The following PDIA6 variants were observed in gnomAD, a reference collection of about 807,000 sequenced individuals.
The protein encoded by PDIA6 is protein disulfide-isomerase A6.
A neutral mutation model predicts 58.4 loss-of-function variants in PDIA6; 29 were observed. That is an observed-to-expected ratio of 0.50 (90% CI 0.37 to 0.68). The LOEUF is 0.68. Ranked by LOEUF, PDIA6 falls within the 30% of genes least tolerant of loss-of-function variation. PDIA6 has a pLI of 0.00. For missense variants in PDIA6, 480 were observed against 551.0 expected, an observed-to-expected ratio of 0.87 and a Z score of 1.29; for synonymous variants, 192 against 202.6, an observed-to-expected ratio of 0.95 and a Z score of 0.44.
At chr2:10,811,610 TTAAG>T (rs1667000911) in intron 1 of PDIA6, among the ~76,000 whole-genome samples, 1 of 152,136 alleles carries the variant, frequency 6.6e-6, no homozygotes, top group African/African-American at 2.4e-5. Flanking sequence ...CACAGAGTGG[TTAAG>T]TAACTTGCTC....
chr2:10,790,485 G>A lies in PDIA6; in HGVS notation c.699+234C>T, dbSNP rs893706574. Reference sequence around the variant, plus strand: ...ATATGAGCAACTTGAATAAGTCTGGGCAAGCTGAAACCTCACATTAAGTAT... The same window carrying A: ...ATATGAGCAACTTGAATAAGTCTGGACAAGCTGAAACCTCACATTAAGTAT... On this transcript the variant is annotated intron_variant, in intron 7 of 12. Transcript: ENST00000272227. Among the ~76,000 whole-genome samples the A allele has an allele frequency of 2.6e-5, 4 of 152,290 alleles. No individual in the cohort carries two copies. In the South Asian group the frequency reaches 8.3e-4, roughly 32 times the overall value.
chr2:10,829,563 A>T (rs964159965), intron 1 of PDIA6, among the ~76,000 whole-genome samples: 2 of 152,156 alleles, frequency 1.3e-5, no homozygotes, highest in Non-Finnish European at 2.9e-5. Flanking sequence ...GATTAGAAAC[A>T]ATTTTTCTGC....
chr2:10,811,340 A>G (rs1188253913), intron 1 of PDIA6, among the ~76,000 whole-genome samples: 1 of 152,162 alleles, frequency 6.6e-6, no homozygotes, highest in East Asian at 1.9e-4. Flanking sequence ...GACCAACCTG[A>G]GCAATACAAT....
intron 1 of PDIA6, chr2:10,821,348 T>C (rs7590368): frequency 0.25 from 38,496 of 153,570 alleles, 5,103 homozygotes; most frequent in Non-Finnish European, 0.27. Context: ...AGGCAACAGG[T>C]ACCCAGCATT....
upstream of PDIA6, among the ~76,000 whole-genome samples, chr2:10,836,839 G>C (rs1219864943): frequency 6.6e-6 from 1 of 152,176 alleles, no homozygotes; most frequent in Non-Finnish European, 1.5e-5. Flanking sequence ...GAAGGGACCT[G>C]TGTCTCAGGG....
chr2:10,796,123 G>A lies in PDIA6; in HGVS notation c.346+958C>T, dbSNP rs1414256487. 4.8e-5 allele frequency among the ~76,000 whole-genome samples: 7 copies of A among 146,816 alleles called. No individual in the cohort carries two copies. In the East Asian group the frequency reaches 5.9e-4, roughly 12 times the overall value. On this transcript the variant is annotated intron_variant, in intron 4 of 12. Coordinates refer to ENST00000272227, the MANE Select transcript of PDIA6 (RefSeq NM_005742.4). Reference sequence around the variant, plus strand: ...GTCGCCTAGGCTGGAGTACAATCTCGGCTCACTGCAAGCTCCGCCTTCCGG... The same window carrying A: ...GTCGCCTAGGCTGGAGTACAATCTCAGCTCACTGCAAGCTCCGCCTTCCGG...
intron 1 of PDIA6, among the ~76,000 whole-genome samples, chr2:10,806,516 C>A (rs568351345): frequency 6.7e-6 from 1 of 150,174 alleles, no homozygotes; most frequent in South Asian, 2.1e-4. Context: ...TGGCTCACAC[C>A]TATAATCCCA....
intron 1 of PDIA6, among the ~76,000 whole-genome samples, chr2:10,831,426 A>C (rs1667707969): frequency 6.6e-6 from 1 of 152,106 alleles, no homozygotes; most frequent in South Asian, 2.1e-4. Context: ...TTCTCCCTGT[A>C]AGCCTCTTCT....
chr2:10,820,055 T>G (rs542669846), intron 1 of PDIA6, among the ~76,000 whole-genome samples: 1 of 152,130 alleles, frequency 6.6e-6, no homozygotes. Context: ...AGTCCAGAGG[T>G]GTTCTTGGCA....
chr2:10,799,502 T>C (rs761399903), intron 2 of PDIA6, among the ~76,000 whole-genome samples: 15 of 152,218 alleles, frequency 9.9e-5, no homozygotes, highest in Non-Finnish European at 1.8e-4. Flanking sequence ...AAGTTTTTGA[T>C]TCCAAACACT....
intron 10 of PDIA6, among the ~76,000 whole-genome samples, chr2:10,787,911 C>A (rs1665848645): frequency 6.6e-6 from 1 of 152,028 alleles, no homozygotes; most frequent in South Asian, 2.1e-4. Context: ...ACTAAAATCA[C>A]AAAAATTAGC....
intron 1 of PDIA6, among the ~76,000 whole-genome samples, chr2:10,829,101 A>T (rs542709557): frequency 6.6e-6 from 1 of 152,244 alleles, no homozygotes; most frequent in Admixed American, 6.5e-5. Flanking sequence ...TCATTCCCCA[A>T]GAGAGAATCT....
chr2:10,820,901 G>A, intron 1 of PDIA6: 1 of 702,516 alleles, frequency 1.4e-6, no homozygotes, highest in Admixed American at 2.0e-5. Context: ...TGGAAGCTGT[G>A]CTCTGAGAGT....
chr2:10,823,582 C>T (rs181031612), intron 1 of PDIA6, among the ~76,000 whole-genome samples: 16 of 152,336 alleles, frequency 1.1e-4, no homozygotes, highest in Non-Finnish European at 2.4e-4. Flanking sequence ...TCTGATAATT[C>T]GAGCACCAAA....
intron 1 of PDIA6, among the ~76,000 whole-genome samples, chr2:10,809,106 GCCT>G (rs1396652477): frequency 6.6e-6 from 1 of 152,132 alleles, no homozygotes; most frequent in African/African-American, 2.4e-5. Flanking sequence ...ACCGTGCCCG[GCCT>G]CAATATTATT....
At chr2:10,809,668 A>AAAAAC (rs1666921329) in intron 1 of PDIA6, among the ~76,000 whole-genome samples, 2 of 130,210 alleles carry the variant, frequency 1.5e-5, no homozygotes, top group Admixed American at 8.3e-5. Flanking sequence ...AAAAAAAAAA[A>AAAAAC]AAAACCCAAA....
At position 10,823,899 on chromosome 2, in the gene PDIA6, G is replaced by A. The variant is rs117417682; in HGVS notation, c.-47-4545C>T. ...TACATTCCATGACTGATAGATTTGGGGATACAAAGGACTGCCCTCCTTTTC... is the reference window on the plus strand; with the variant it reads ...TACATTCCATGACTGATAGATTTGGAGATACAAAGGACTGCCCTCCTTTTC... On this transcript the variant is annotated intron_variant, in intron 1 of 13. Transcript: ENST00000381611. Among the ~76,000 whole-genome samples the A allele has an allele frequency of 2.3e-3, 346 of 151,310 alleles. 6 individuals are homozygous for A. Among genetic ancestry groups the A allele is most frequent in the Admixed American group, 5.5e-3 (84 of 15,184 alleles).
chr2:10,837,701 G>A, exon 1 of PDIA6: 1 of 1,501,660 alleles, frequency 6.7e-7, no homozygotes, highest in Admixed American at 2.2e-5. Context: ...GGGCAGCCTG[G>A]TGTGCAAGTT....
intron 1 of PDIA6, among the ~76,000 whole-genome samples, chr2:10,821,852 G>A (rs1233077017): frequency 5.3e-5 from 8 of 152,006 alleles, no homozygotes; most frequent in Non-Finnish European, 8.8e-5. Context: ...TTGAACTCCT[G>A]GGCTCAAGTG....
Sources: allele counts gnomAD v4.1 joint callset (sites outside exome capture counted in the v4.1 genomes callset), GRCh38; gene constraint gnomAD v4.1.1; transcripts MANE v1.5; gene names NCBI Gene and HGNC (gene_info 2026-07-23, HGNC 2026-07-21).